ZZZ3: variants seen among roughly 807,000 people sequenced by gnomAD.
ZZZ3 encodes the protein ZZ-type zinc finger-containing protein 3.
ZZZ3 carries 22 observed loss-of-function variants against 95.2 expected under a neutral mutation model. That is an observed-to-expected ratio of 0.23 (90% CI 0.17 to 0.33). The LOEUF (loss-of-function observed/expected upper bound fraction) is 0.33, where lower values mean the gene tolerates loss of function less well. Among genes scored for constraint, ZZZ3 ranks in the 10% least tolerant of loss-of-function variants. ZZZ3 has a pLI of 1.00. For missense variants in ZZZ3, 885 were observed against 1,066.5 expected (o/e 0.83, Z 2.37); for synonymous variants, 335 against 358.9 (o/e 0.93, Z 0.75).
At chr1:77,673,505 G>A (rs564065952) in intron 1 of ZZZ3, among the ~76,000 whole-genome samples, 1 of 152,278 alleles carries the variant, frequency 6.6e-6, no homozygotes, top group Admixed American at 6.5e-5. Flanking sequence ...TCTGAGGCAC[G>A]AAAATTGCTT....
intron 1 of ZZZ3, among the ~76,000 whole-genome samples, chr1:77,643,527 T>C (rs1668972018): frequency 6.6e-6 from 1 of 152,242 alleles, no homozygotes. Flanking sequence ...CCATCTTATT[T>C]ATTCCCTTGG....
intron 12 of ZZZ3, among the ~76,000 whole-genome samples, chr1:77,569,708 A>G (rs1177517077): frequency 6.6e-6 from 1 of 152,172 alleles, no homozygotes; most frequent in Non-Finnish European, 1.5e-5. Flanking sequence ...AGTGTTTTAC[A>G]TCCCAAATAT....
At chr1:77,660,817 T>C (rs2101012664) in intron 1 of ZZZ3, among the ~76,000 whole-genome samples, 1 of 152,302 alleles carries the variant, frequency 6.6e-6, no homozygotes, top group Middle Eastern at 3.4e-3. Context: ...CATACTACCA[T>C]CATGACCAAA....
At chr1:77,629,006 C>T (rs140232687) in intron 5 of ZZZ3, among the ~76,000 whole-genome samples, 2 of 152,010 alleles carry the variant, frequency 1.3e-5, no homozygotes, top group African/African-American at 4.8e-5. Flanking sequence ...TTTTTAAAAC[C>T]CAAGTGCTTT....
At chr1:77,583,462 C>T (rs995691074) in intron 6 of ZZZ3, among the ~76,000 whole-genome samples, 5 of 152,046 alleles carry the variant, frequency 3.3e-5, no homozygotes, top group African/African-American at 1.2e-4. Context: ...CACCAAAATT[C>T]TAAAAACCTT....
At chr1:77,636,661 G>A (rs1412886827) in intron 4 of ZZZ3, among the ~76,000 whole-genome samples, 1 of 139,904 alleles carries the variant, frequency 7.1e-6, no homozygotes, top group Admixed American at 7.6e-5. Flanking sequence ...GTGTAGTGAT[G>A]TGACTGCCCT....
chr1:77,577,768 G>A (rs911967668), intron 11 of ZZZ3, among the ~76,000 whole-genome samples: 4 of 152,044 alleles, frequency 2.6e-5, no homozygotes, highest in Non-Finnish European at 4.4e-5. Context: ...CTGCAGGTGC[G>A]TGCCACCACA....
intron 1 of ZZZ3, among the ~76,000 whole-genome samples, chr1:77,650,343 T>G (rs563478506): frequency 6.6e-6 from 1 of 152,342 alleles, no homozygotes; most frequent in African/African-American, 2.4e-5. Context: ...TCAAGCAGTT[T>G]AGTTATTTGG....
chr1:77,670,912 T>TAC lies in ZZZ3; in HGVS notation c.-403+11671_-403+11672dup, dbSNP rs1337441642. ...AAAAACAAGCCAGGTGCATGGTACA[T>TAC]ACACACCTATAATCCCAGCTACCCA... On this transcript the variant is annotated intron_variant, in intron 1 of 14. Coordinates refer to ENST00000370801, the MANE Select transcript of ZZZ3 (RefSeq NM_015534.6). Among the ~76,000 whole-genome samples, 3 of 150,212 alleles carry TAC rather than the reference T, an allele frequency of 2.0e-5. No individual in the cohort carries two copies. In the East Asian group the frequency reaches 5.9e-4, roughly 30 times the overall value.
chr1:77,650,329 A>T (rs1669687270), intron 1 of ZZZ3, among the ~76,000 whole-genome samples: 1 of 152,202 alleles, frequency 6.6e-6, no homozygotes, highest in Admixed American at 6.5e-5. Context: ...GTCTAAAAAT[A>T]GTTTCAAGCA....
At chr1:77,608,636 C>T (rs888215776) in intron 5 of ZZZ3, among the ~76,000 whole-genome samples, 3 of 152,106 alleles carry the variant, frequency 2.0e-5, no homozygotes, top group Non-Finnish European at 4.4e-5. Context: ...GGTGTGTAAG[C>T]TACTCTTAAG....
chr1:77,670,002 G>A (rs1249190646), intron 1 of ZZZ3, among the ~76,000 whole-genome samples: 2 of 150,646 alleles, frequency 1.3e-5, no homozygotes, highest in East Asian at 2.0e-4. Flanking sequence ...GCACTGAATT[G>A]TGCACTTAAA....
chr1:77,604,699 A>G (rs1665060787), intron 5 of ZZZ3, among the ~76,000 whole-genome samples: 1 of 152,210 alleles, frequency 6.6e-6, no homozygotes, highest in South Asian at 2.1e-4. Context: ...TATTTCAATA[A>G]GCATTTGATA....
chr1:77,627,824 A>G (rs1667462391), intron 5 of ZZZ3, among the ~76,000 whole-genome samples: 1 of 152,200 alleles, frequency 6.6e-6, no homozygotes, highest in Non-Finnish European at 1.5e-5. Context: ...TAGAATCCCT[A>G]AATTTGACTT....
intron 5 of ZZZ3, among the ~76,000 whole-genome samples, chr1:77,622,235 G>A (rs1666944508): frequency 6.6e-6 from 1 of 151,656 alleles, no homozygotes; most frequent in South Asian, 2.1e-4. Context: ...TGAGCCGGAG[G>A]GGCTGAGGCT....
intron 1 of ZZZ3, among the ~76,000 whole-genome samples, chr1:77,660,186 G>A (rs1455763914): frequency 6.6e-6 from 1 of 152,100 alleles, no homozygotes; most frequent in Non-Finnish European, 1.5e-5. Context: ...TGAGAGGTAA[G>A]TTACTTCTCC....
rs554227855 is a variant in ZZZ3 at position 77,649,774 on chromosome 1, C to T, written c.-402-8119G>A. On this transcript the variant is annotated intron_variant, in intron 1 of 14. Coordinates refer to ENST00000370801, the MANE Select transcript of ZZZ3 (RefSeq NM_015534.6). ...GCGCATGTCTGTAATACCAGCTACT[C>T]GGGAGGCTGAGGCAGGAGAATCGCT... 1.5e-3 allele frequency among the ~76,000 whole-genome samples: 225 copies of T among 151,350 alleles called. 2 individuals are homozygous for T. The highest frequency in any genetic ancestry group is 5.2e-3 in the African/African-American group (213 of 41,226).
chr1:77,627,779 A>G (rs1029655988), intron 5 of ZZZ3, among the ~76,000 whole-genome samples: 3 of 152,218 alleles, frequency 2.0e-5, no homozygotes, highest in Non-Finnish European at 4.4e-5. Context: ...GCAATCTGTT[A>G]TCAATGAGTT....
intron 1 of ZZZ3, among the ~76,000 whole-genome samples, chr1:77,650,478 AC>A (rs1340619629): frequency 6.6e-6 from 1 of 152,124 alleles, no homozygotes; most frequent in Non-Finnish European, 1.5e-5. Context: ...ATCCTCAAAT[AC>A]CTGGAAATAA....
Sources: allele counts gnomAD v4.1 joint callset (sites outside exome capture counted in the v4.1 genomes callset), GRCh38; gene constraint gnomAD v4.1.1; transcripts MANE v1.5; gene names NCBI Gene and HGNC (gene_info 2026-07-23, HGNC 2026-07-21).